PTPRD: variants seen among roughly 807,000 people sequenced by gnomAD.
PTPRD encodes the protein protein tyrosine phosphatase receptor type D.
PTPRD carries 34 observed loss-of-function variants against 214.5 expected under a neutral mutation model. The observed-to-expected ratio is 0.16, with a 90% CI of 0.12 to 0.21. The LOEUF (loss-of-function observed/expected upper bound fraction) is 0.21. PTPRD is among the 10% of genes least tolerant of loss of function. The pLI, the probability that PTPRD is intolerant of heterozygous loss-of-function variation, is 1.00. For missense variants in PTPRD, 2,545 were observed against 2,398.7 expected (o/e 1.06, Z -1.27); for synonymous variants, 1,128 against 845.7 (o/e 1.33, Z -5.79).
chr9:10,604,764 G>C (rs1435392174), intron 2 of PTPRD, among the ~76,000 whole-genome samples: 2 of 151,856 alleles, frequency 1.3e-5, no homozygotes, highest in East Asian at 3.9e-4. Context: ...CCATAGATAA[G>C]TGTTAATTGA....
At chr9:10,008,242 C>T (rs2096529030) in intron 4 of PTPRD, among the ~76,000 whole-genome samples, 1 of 151,900 alleles carries the variant, frequency 6.6e-6, no homozygotes, top group Non-Finnish European at 1.5e-5. Context: ...CCCTCCCTCC[C>T]TGTCAGTAGA....
chr9:8,858,354 AG>A (rs35406867), intron 11 of PTPRD: 1 of 152,104 alleles, frequency 6.6e-6, no homozygotes, highest in Non-Finnish European at 1.5e-5. Context: ...GTGGGGGGAG[AG>A]GGGTGCGAGG....
At chr9:8,443,896 G>A (rs536474845) in intron 34 of PTPRD, among the ~76,000 whole-genome samples, 2 of 152,048 alleles carry the variant, frequency 1.3e-5, no homozygotes, top group African/African-American at 4.8e-5. Flanking sequence ...ACACATATTA[G>A]TAATTTGTTT....
intron 11 of PTPRD, among the ~76,000 whole-genome samples, chr9:8,965,043 C>T (rs1241872129): frequency 1.3e-5 from 2 of 151,930 alleles, no homozygotes; most frequent in Non-Finnish European, 2.9e-5. Flanking sequence ...ATGTAGATGT[C>T]TATTAAGTCC....
chr9:8,688,026 C>T (rs1010836925), intron 12 of PTPRD, among the ~76,000 whole-genome samples: 11 of 152,084 alleles, frequency 7.2e-5, no homozygotes, highest in Non-Finnish European at 1.3e-4. Context: ...ATAAAAAGTT[C>T]GCTATATAAT....
chr9:8,893,181 G>A (rs1279949528), intron 11 of PTPRD, among the ~76,000 whole-genome samples: 1 of 152,070 alleles, frequency 6.6e-6, no homozygotes, highest in Non-Finnish European at 1.5e-5. Flanking sequence ...CGGACCAAGA[G>A]AGAAAAAAAT....
intron 14 of PTPRD, among the ~76,000 whole-genome samples, chr9:8,587,818 T>C (rs2093785935): frequency 6.6e-6 from 1 of 152,226 alleles, no homozygotes; most frequent in Non-Finnish European, 1.5e-5. Context: ...GATCCATAAA[T>C]ATAAATCCCG....
chr9:8,938,054 G>A (rs1231894499), intron 11 of PTPRD, among the ~76,000 whole-genome samples: 1 of 152,100 alleles, frequency 6.6e-6, no homozygotes, highest in Non-Finnish European at 1.5e-5. Context: ...AGAAAAGGGA[G>A]GCAGACAAAT....
At chr9:10,453,058 T>A (rs1376933010) in intron 2 of PTPRD, among the ~76,000 whole-genome samples, 1 of 151,702 alleles carries the variant, frequency 6.6e-6, no homozygotes, top group Non-Finnish European at 1.5e-5. Context: ...TTTCTTAACA[T>A]CATTTATTGA....
chr9:8,498,847 C>G (rs1174038879), intron 25 of PTPRD, among the ~76,000 whole-genome samples: 1 of 152,038 alleles, frequency 6.6e-6, no homozygotes, highest in East Asian at 1.9e-4. Context: ...ATATGTAAAA[C>G]TCAAGCGAAT....
chr9:9,712,367 T>C (rs1373191783), intron 7 of PTPRD, among the ~76,000 whole-genome samples: 1 of 151,950 alleles, frequency 6.6e-6, no homozygotes, highest in Admixed American at 6.6e-5. Flanking sequence ...CAAATCTGAA[T>C]AGGAACATAA....
chr9:9,597,758 G>A (rs1429774266), intron 7 of PTPRD, among the ~76,000 whole-genome samples: 1 of 151,844 alleles, frequency 6.6e-6, no homozygotes, highest in Non-Finnish European at 1.5e-5. Context: ...AGGTGAACAA[G>A]AAATAAAGGT....
intron 3 of PTPRD, among the ~76,000 whole-genome samples, chr9:10,035,808 A>G (rs1196474463): frequency 6.8e-6 from 1 of 147,908 alleles, no homozygotes; most frequent in African/African-American, 2.5e-5. Context: ...GCTCAATAAT[A>G]AAAGTTTACT....
chr9:10,328,596 G>A (rs1426145312), intron 3 of PTPRD, among the ~76,000 whole-genome samples: 7 of 151,830 alleles, frequency 4.6e-5, no homozygotes, highest in East Asian at 2.0e-4. Context: ...GAGTTTTCCC[G>A]AGACTTTGAA....
chr9:9,954,898 C>T (rs1002548406), intron 4 of PTPRD, among the ~76,000 whole-genome samples: 2 of 152,004 alleles, frequency 1.3e-5, no homozygotes, highest in South Asian at 2.1e-4. Flanking sequence ...TTATTCAAAA[C>T]GAGATTCACG....
At chr9:8,911,744 T>C (rs1587892385) in intron 11 of PTPRD, among the ~76,000 whole-genome samples, 1 of 151,948 alleles carries the variant, frequency 6.6e-6, no homozygotes, top group South Asian at 2.1e-4. Context: ...GACCCACAAA[T>C]GAAGAAAATA....
intron 14 of PTPRD, among the ~76,000 whole-genome samples, chr9:8,550,794 A>G (rs2081857841): frequency 6.6e-6 from 1 of 152,296 alleles, no homozygotes; most frequent in Non-Finnish European, 1.5e-5. Context: ...TGACAAGAAC[A>G]CCCAAGGCAG....
chr9:10,053,449 G>A (rs182943739), intron 3 of PTPRD, among the ~76,000 whole-genome samples: 1 of 152,178 alleles, frequency 6.6e-6, no homozygotes, highest in Non-Finnish European at 1.5e-5. Flanking sequence ...TATTTCATGA[G>A]GAACGTGAAA....
chr9:10,149,689 C>T (rs770835712), intron 3 of PTPRD, among the ~76,000 whole-genome samples: 4 of 151,484 alleles, frequency 2.6e-5, no homozygotes, highest in Non-Finnish European at 5.9e-5. Flanking sequence ...AAACTGTGGA[C>T]AATTCAAATG....
Sources: gnomAD v4.1 joint callset for allele counts (sites outside exome capture counted in the v4.1 genomes callset) on GRCh38, gnomAD v4.1.1 for gene constraint, MANE v1.5 for transcripts, NCBI Gene and HGNC (gene_info 2026-07-23, HGNC 2026-07-21) for gene names.